TMSB15B: variants seen among roughly 807,000 people sequenced by gnomAD.
TMSB15B encodes the protein thymosin beta-15B.
chrX:103,927,996 T>C, intron 1 of TMSB15B: 1 of 480,525 alleles, frequency 2.1e-6, no homozygotes. Context: ...TCATTTCCAA[T>C]TAAGCAATGA....
intron 1 of TMSB15B, among the ~76,000 whole-genome samples, chrX:103,922,636 T>C (rs2074956952): frequency 9.0e-6 from 1 of 111,413 alleles, no homozygotes; most frequent in Non-Finnish European, 1.9e-5. Flanking sequence ...TTCCAAGTCT[T>C]TGCTATCGTG....
chrX:103,921,773 A>G (rs782049315), intron 1 of TMSB15B, among the ~76,000 whole-genome samples: 3 of 112,370 alleles, frequency 2.7e-5, no homozygotes, highest in African/African-American at 9.7e-5. Context: ...GGAACTTTCT[A>G]TCTGTTATCT....
chrX:103,950,362 G>T (rs1406677824), intron 1 of TMSB15B, among the ~76,000 whole-genome samples: 2 of 111,013 alleles, frequency 1.8e-5, no homozygotes, highest in Non-Finnish European at 3.8e-5. Flanking sequence ...CTGGGGCAGA[G>T]TGAGTGAGGA....
chrX:103,940,710 AAAC>A (rs1210954662), intron 1 of TMSB15B, among the ~76,000 whole-genome samples: 16 of 110,461 alleles, frequency 1.4e-4, no homozygotes, highest in Middle Eastern at 4.7e-3. Context: ...GGGGTATGAA[AAAC>A]AACAACAACA....
intron 1 of TMSB15B, among the ~76,000 whole-genome samples, chrX:103,953,554 C>T (rs1443837824): frequency 2.7e-5 from 3 of 112,698 alleles, no homozygotes; most frequent in Admixed American, 9.3e-5. Context: ...GGGGGAGGGG[C>T]GGGCCGCCAT....
chrX:103,935,095 T>C (rs1210441149), intron 1 of TMSB15B, among the ~76,000 whole-genome samples: 1 of 112,655 alleles, frequency 8.9e-6, no homozygotes, highest in Non-Finnish European at 1.9e-5. Context: ...TGACCAACGA[T>C]GATGAGCTTT....
At chrX:103,930,870 T>C (rs1243795567) in intron 1 of TMSB15B, 1 of 111,116 alleles carries the variant, frequency 9.0e-6, no homozygotes, top group Non-Finnish European at 1.9e-5. Context: ...ATTCACAATA[T>C]ATAACAGTCC....
chrX:103,949,205 A>G (rs1344356759), intron 1 of TMSB15B, among the ~76,000 whole-genome samples: 1 of 112,156 alleles, frequency 8.9e-6, no homozygotes, highest in African/African-American at 3.2e-5. Context: ...GATACAATGG[A>G]GAACCAGAAA....
intron 1 of TMSB15B, among the ~76,000 whole-genome samples, chrX:103,923,634 C>G (rs1286380085): frequency 9.0e-6 from 1 of 111,510 alleles, no homozygotes; most frequent in Non-Finnish European, 1.9e-5. Flanking sequence ...AGTCAGGTAG[C>G]GTGATGCCTC....
intron 1 of TMSB15B, among the ~76,000 whole-genome samples, chrX:103,947,110 GAA>G (rs1354854926): frequency 9.8e-6 from 1 of 102,342 alleles, no homozygotes; most frequent in Non-Finnish European, 2.0e-5. Flanking sequence ...GCCCCACACT[GAA>G]AAAAAAAACC....
intron 1 of TMSB15B, among the ~76,000 whole-genome samples, chrX:103,946,350 T>C (rs1182019961): frequency 2.7e-5 from 3 of 112,273 alleles, no homozygotes; most frequent in Non-Finnish European, 5.6e-5. Flanking sequence ...AACATGGTCC[T>C]GAGAATGGCC....
chrX:103,930,725 GATAATAATAATAATA>G (rs10681462), intron 1 of TMSB15B, among the ~76,000 whole-genome samples: 27 of 93,061 alleles, frequency 2.9e-4, no homozygotes, highest in African/African-American at 1.1e-3. Context: ...TGATGCTGTT[GATAATAATAATAATA>G]ATAATAATAA....
At chrX:103,922,187 A>G (rs1319419528) in intron 1 of TMSB15B, among the ~76,000 whole-genome samples, 3 of 103,596 alleles carry the variant, frequency 2.9e-5, no homozygotes, top group Admixed American at 2.1e-4. Flanking sequence ...TCTCATTTTT[A>G]TTTAATTTAT....
chrX:103,955,050 C>A (rs782491491), intron 1 of TMSB15B, among the ~76,000 whole-genome samples: 1 of 111,335 alleles, frequency 9.0e-6, no homozygotes, highest in South Asian at 3.9e-4. Flanking sequence ...CATTGGCCCC[C>A]TAGTATCTTC....
At chrX:103,928,525 G>T (rs2074975527) in intron 1 of TMSB15B, 1 of 1,195,015 alleles carries the variant, frequency 8.4e-7, no homozygotes. Flanking sequence ...TGTGCTCCAG[G>T]ATGGTTGCAA....
chrX:103,939,253 C>A (rs2075006480), intron 1 of TMSB15B, among the ~76,000 whole-genome samples: 2 of 111,085 alleles, frequency 1.8e-5, no homozygotes, highest in African/African-American at 3.3e-5. Context: ...GTGTGTTTTC[C>A]AACTTGGTTC....
intron 1 of TMSB15B, among the ~76,000 whole-genome samples, chrX:103,942,381 TCA>T (rs2075014775): frequency 8.9e-6 from 1 of 112,011 alleles, no homozygotes; most frequent in South Asian, 3.7e-4. Flanking sequence ...CTTCTCCCAT[TCA>T]GTTACAATGC....
intron 1 of TMSB15B, chrX:103,928,073 C>T (rs1348156785): frequency 2.4e-5 from 23 of 971,673 alleles, no homozygotes; most frequent in Non-Finnish European, 3.1e-5. Context: ...CAGTTTCTTC[C>T]ACCTGCACCC....
At chrX:103,947,209 A>AT (rs2075027829) in intron 1 of TMSB15B, among the ~76,000 whole-genome samples, 1 of 112,203 alleles carries the variant, frequency 8.9e-6, no homozygotes, top group South Asian at 3.7e-4. Context: ...TTAACTACAA[A>AT]TTCACGACAA....
Sources: allele counts gnomAD v4.1 joint callset (sites outside exome capture counted in the v4.1 genomes callset), GRCh38; gene constraint gnomAD v4.1.1; transcripts MANE v1.5; gene names NCBI Gene and HGNC (gene_info 2026-07-23, HGNC 2026-07-21).